Variants in OPRM1 observed in about 807,000 individuals in gnomAD.
OPRM1 encodes the protein mu-type opioid receptor.
OPRM1 carries 27 observed loss-of-function variants against 31.8 expected under a neutral mutation model. That is an observed-to-expected ratio of 0.85 (90% CI 0.63 to 1.17). The LOEUF is 1.17. Ranked by LOEUF, OPRM1 falls within the 50% of genes most tolerant of loss-of-function variation. OPRM1 has a pLI of 0.00. For missense variants in OPRM1, 536 were observed against 511.1 expected (o/e 1.05, Z -0.47); for synonymous variants, 196 against 189.9 (o/e 1.03, Z -0.26).
downstream of OPRM1, among the ~76,000 whole-genome samples, chr6:154,135,495 ATATAG>A (rs1798037020): frequency 7.3e-6 from 1 of 137,856 alleles, no homozygotes; most frequent in Admixed American, 9.0e-5. Context: ...ATAGATATAG[ATATAG>A]ATATAGATAT....
chr6:154,130,170 C>CT lies in OPRM1; in HGVS notation c.*11467dup, dbSNP rs57493678. On this transcript the variant is annotated 3_prime_UTR_variant, in exon 4 of 4. Coordinates refer to ENST00000330432, the MANE Select transcript of OPRM1 (RefSeq NM_000914.5). Reference sequence around the variant, plus strand: ...GATTTCATGGAAATGTTTAAATTTTCTTTTTTTTTTTTTTTTTTGATGGAG... The same window carrying CT: ...GATTTCATGGAAATGTTTAAATTTTCTTTTTTTTTTTTTTTTTTTGATGGAG... 2.1e-3 allele frequency among the ~76,000 whole-genome samples: 151 copies of CT among 71,818 alleles called. No homozygotes were observed. The East Asian group carries it at 0.079, about 38-fold the overall frequency. 47.1% of individuals were successfully genotyped at this position (71,818 alleles called of 152,430 possible). A position where few individuals can be genotyped will look rare whatever the true frequency, so the allele number is the denominator to read the frequency against.
chr6:154,031,300 C>T (rs1449921462), intron 1 of OPRM1, among the ~76,000 whole-genome samples: 1 of 152,152 alleles, frequency 6.6e-6, no homozygotes, highest in African/African-American at 2.4e-5. Context: ...TACTCTGTTG[C>T]ATATGTCTAA....
intron 3 of OPRM1, among the ~76,000 whole-genome samples, chr6:154,100,760 A>T (rs1343054292): frequency 6.6e-6 from 1 of 151,656 alleles, no homozygotes; most frequent in Non-Finnish European, 1.5e-5. Flanking sequence ...GACACCAGAA[A>T]TCCCAAGAAT....
exon 1 of OPRM1, chr6:154,010,767 G>T (rs1485376635): frequency 8.5e-6 from 12 of 1,417,596 alleles, no homozygotes; most frequent in Non-Finnish European, 1.1e-5. Flanking sequence ...ACAAACAAGA[G>T]AATTCGGTCA....
intron 3 of OPRM1, chr6:154,110,211 T>C: frequency 1.9e-6 from 1 of 534,020 alleles, no homozygotes; most frequent in South Asian, 2.6e-5. Context: ...TTTTCACTTT[T>C]GTTTTACTTT....
intron 1 of OPRM1, chr6:154,086,849 G>A: frequency 2.0e-6 from 2 of 985,082 alleles, no homozygotes; most frequent in Non-Finnish European, 2.4e-6. Flanking sequence ...TCTAGCAAAA[G>A]TTATTTTCTC....
chr6:154,230,668 G>A (rs1779649347), intron 3 of OPRM1, among the ~76,000 whole-genome samples: 1 of 152,034 alleles, frequency 6.6e-6, no homozygotes, highest in South Asian at 2.1e-4. Context: ...TGTAGTTCCT[G>A]GTTAAAAAAT....
At chr6:154,220,579 T>C (rs1401820163) in intron 3 of OPRM1, among the ~76,000 whole-genome samples, 2 of 152,030 alleles carry the variant, frequency 1.3e-5, no homozygotes, top group Non-Finnish European at 2.9e-5. Flanking sequence ...GATGCAGAGG[T>C]TGCAGTGAGC....
intron 3 of OPRM1, among the ~76,000 whole-genome samples, chr6:154,112,457 C>T (rs1004386957): frequency 2.6e-4 from 40 of 152,206 alleles, no homozygotes; most frequent in African/African-American, 9.2e-4. Context: ...GCTACACATA[C>T]AATGAGTTGC....
intron 3 of OPRM1, among the ~76,000 whole-genome samples, chr6:154,195,369 G>A (rs775895930): frequency 4.6e-5 from 7 of 151,940 alleles, no homozygotes; most frequent in East Asian, 1.9e-4. Flanking sequence ...GGATGGTCTC[G>A]ATCTCCTGAC....
chr6:154,016,157 T>C (rs541719368), intron 1 of OPRM1, among the ~76,000 whole-genome samples: 14 of 152,306 alleles, frequency 9.2e-5, no homozygotes, highest in Non-Finnish European at 1.2e-4. Flanking sequence ...GGCAATTCAC[T>C]GTACTCCTGT....
intron 1 of OPRM1, among the ~76,000 whole-genome samples, chr6:154,033,959 T>A (rs983914075): frequency 1.3e-5 from 2 of 152,254 alleles, no homozygotes; most frequent in African/African-American, 4.8e-5. Context: ...AGTGACCCCA[T>A]GGCATACTAA....
rs1554256936 is a variant in OPRM1, at chr6:154,039,560, GC to G, written c.21del (p.Thr8ArgfsTer30). On this transcript the variant is annotated frameshift_variant, in exon 1 of 4. Coordinates refer to ENST00000330432, the MANE Select transcript of OPRM1 (RefSeq NM_000914.5). LOFTEE classifies it high-confidence loss of function. ...CGTCAGTACCATGGACAGCAGCGCTGCCCCCACGAACGCCAGCAATTGCACT... is the reference window on the plus strand; with the variant it reads ...CGTCAGTACCATGGACAGCAGCGCTGCCCCACGAACGCCAGCAATTGCACT... MDSSA[A>X]PTNASNCTDA... 5 of 1,612,104 alleles carry G rather than the reference GC, an allele frequency of 3.1e-6. No individual in the cohort carries two copies. Among genetic ancestry groups the G allele is most frequent in the South Asian group, 1.1e-5 (1 of 90,572 alleles).
Position 154,152,347 on chromosome 6 carries a change from G to GAAAAGAAAA in OPRM1, c.1164+60875_1164+60876insAAAAGAAAA. On this transcript the variant is annotated intron_variant, in intron 3 of 3. Coordinates refer to the OPRM1 transcript ENST00000337049. ...AGAAAGAAAGAAAGAAAGAAAGAAA[G>GAAAAGAAAA]GAAAGAAAGAAAGAAAGAAAGAAAG... 3.7e-3 allele frequency among the ~76,000 whole-genome samples: 239 copies of GAAAAGAAAA among 65,198 alleles called. 8 individuals are homozygous for GAAAAGAAAA. Among genetic ancestry groups the GAAAAGAAAA allele is most frequent in the African/African-American group, 0.011 (206 of 17,950 alleles). The allele number at this position is 65,198 out of a possible 152,430, so 42.8% of individuals were successfully genotyped here.
chr6:154,142,684 C>A (rs555975356), intron 3 of OPRM1, among the ~76,000 whole-genome samples: 2 of 152,284 alleles, frequency 1.3e-5, no homozygotes, highest in African/African-American at 4.8e-5. Flanking sequence ...TGCTCTAAAG[C>A]TTTTTAAGAA....
chr6:154,077,917 C>A (rs545612134), intron 1 of OPRM1, among the ~76,000 whole-genome samples: 8 of 152,004 alleles, frequency 5.3e-5, no homozygotes, highest in Non-Finnish European at 1.0e-4. Context: ...TCCAACCCTA[C>A]CACTCCAAGG....
intron 1 of OPRM1, among the ~76,000 whole-genome samples, chr6:154,018,359 G>C (rs139075353): frequency 6.7e-4 from 102 of 152,282 alleles, no homozygotes; most frequent in Non-Finnish European, 1.2e-3. Context: ...GGCAGAGGTT[G>C]CAGTGAGCTG....
chr6:154,048,437 A>G (rs1781577494), intron 1 of OPRM1, among the ~76,000 whole-genome samples: 1 of 152,136 alleles, frequency 6.6e-6, no homozygotes, highest in South Asian at 2.1e-4. Context: ...ATAACCCAAA[A>G]TACATGCTAC....
In OPRM1 at chr6:154,108,805, C is replaced by T. The variant is rs1795992024; in HGVS notation, c.1165-9878C>T. The stretch of plus-strand genomic sequence containing the variant: ...GACTCCCATCTTAACAGTTGCAATC[C>T]ATGGAGGAATGCTTGATAACCTCGG... On this transcript the variant is annotated intron_variant, in intron 3 of 3. Coordinates refer to ENST00000330432, the MANE Select transcript of OPRM1 (RefSeq NM_000914.5). 11 of 985,350 alleles carry T rather than the reference C, an allele frequency of 1.1e-5. No individual in the cohort carries two copies. The South Asian group carries it at 4.2e-4, about 38-fold the overall frequency. 61.0% of individuals were successfully genotyped at this position (985,350 alleles called of 1,614,324 possible).
Sources: allele counts gnomAD v4.1 joint callset (sites outside exome capture counted in the v4.1 genomes callset), GRCh38; gene constraint gnomAD v4.1.1; transcripts MANE v1.5; gene names NCBI Gene and HGNC (gene_info 2026-07-23, HGNC 2026-07-21).